Variants in EPHA6 observed in about 807,000 individuals in gnomAD.
EPHA6 encodes ephrin type-A receptor 6.
In EPHA6, 50 loss-of-function variants were observed where a neutral mutation model predicts 112.0. That is an observed-to-expected ratio of 0.45 (90% CI 0.36 to 0.56). The LOEUF is 0.56. EPHA6 is among the 20% of genes least tolerant of loss of function. The pLI, the probability that EPHA6 is intolerant of heterozygous loss-of-function variation, is 0.00. For missense variants in EPHA6, 1,280 were observed against 1,417.4 expected (o/e 0.90, Z 1.56); for synonymous variants, 529 against 490.7 (o/e 1.08, Z -1.03).
intron 3 of EPHA6, among the ~76,000 whole-genome samples, chr3:97,050,353 A>T (rs1263722767): frequency 6.6e-6 from 1 of 152,210 alleles, no homozygotes; most frequent in African/African-American, 2.4e-5. Flanking sequence ...AATTCATCTA[A>T]CAATTAGCAG....
chr3:97,473,232 A>G (rs2091277620), intron 7 of EPHA6, among the ~76,000 whole-genome samples: 2 of 151,758 alleles, frequency 1.3e-5, no homozygotes, highest in African/African-American at 4.8e-5. Context: ...AACACATTTT[A>G]TTCTCCACAG....
intron 14 of EPHA6, among the ~76,000 whole-genome samples, chr3:97,710,567 C>T (rs541188031): frequency 1.3e-5 from 2 of 152,294 alleles, no homozygotes; most frequent in Admixed American, 6.5e-5. Context: ...GTTGTTCCCT[C>T]TGTTTTAATT....
intron 5 of EPHA6, among the ~76,000 whole-genome samples, chr3:97,363,170 CAATATATATATATATATATATATA>C (rs2084470678): frequency 1.6e-5 from 1 of 62,636 alleles, no homozygotes; most frequent in African/African-American, 6.5e-5. Context: ...ATTGCCCCTG[CAATATATATATATATATATATATA>C]TATATATATA....
At chr3:97,299,737 A>G (rs2081018968) in intron 5 of EPHA6, among the ~76,000 whole-genome samples, 1 of 152,186 alleles carries the variant, frequency 6.6e-6, no homozygotes, top group African/African-American at 2.4e-5. Context: ...AGTGTATTTC[A>G]GGGAATTTGT....
At chr3:97,471,288 T>G (rs962174579) in intron 7 of EPHA6, among the ~76,000 whole-genome samples, 20 of 151,856 alleles carry the variant, frequency 1.3e-4, no homozygotes, top group Middle Eastern at 3.4e-3. Context: ...TGCCAGAGGC[T>G]GCTTATTCTT....
At chr3:97,693,675 G>C (rs2032825740) in intron 14 of EPHA6, among the ~76,000 whole-genome samples, 1 of 152,128 alleles carries the variant, frequency 6.6e-6, no homozygotes, top group African/African-American at 2.4e-5. Flanking sequence ...GGGCATGGTG[G>C]CGGGCGCCTG....
chr3:97,174,831 C>G (rs1053446902), intron 3 of EPHA6, among the ~76,000 whole-genome samples: 1 of 150,922 alleles, frequency 6.6e-6, no homozygotes, highest in Non-Finnish European at 1.5e-5. Flanking sequence ...CAAATATTTT[C>G]TCCCATTCAG....
intron 14 of EPHA6, among the ~76,000 whole-genome samples, chr3:97,643,296 A>C (rs2094026750): frequency 6.6e-6 from 1 of 151,798 alleles, no homozygotes; most frequent in Non-Finnish European, 1.5e-5. Context: ...AGGAAGCGCT[A>C]AACATGGAAA....
chr3:97,594,717 T>TA (rs2093572798), intron 12 of EPHA6, among the ~76,000 whole-genome samples: 1 of 152,180 alleles, frequency 6.6e-6, no homozygotes, highest in Non-Finnish European at 1.5e-5. Context: ...TTATATTTTT[T>TA]AAAAAAACTA....
At chr3:97,493,118 T>C (rs2091893279) in intron 10 of EPHA6, among the ~76,000 whole-genome samples, 1 of 151,408 alleles carries the variant, frequency 6.6e-6, no homozygotes, top group Non-Finnish European at 1.5e-5. Context: ...TTTACTTTTA[T>C]TGGGCAAAGA....
At chr3:97,076,259 A>C (rs1490301239) in intron 3 of EPHA6, among the ~76,000 whole-genome samples, 1 of 152,132 alleles carries the variant, frequency 6.6e-6, no homozygotes, top group Non-Finnish European at 1.5e-5. Context: ...TAAAAGTGCT[A>C]CTCCATTAAA....
chr3:97,060,502 G>A (rs2045984250), intron 3 of EPHA6, among the ~76,000 whole-genome samples: 1 of 152,186 alleles, frequency 6.6e-6, no homozygotes, highest in African/African-American at 2.4e-5. Context: ...TGATTTGAAT[G>A]ACCCAAATAT....
chr3:97,593,730 C>T (rs1328230657), intron 12 of EPHA6, among the ~76,000 whole-genome samples: 1 of 152,102 alleles, frequency 6.6e-6, no homozygotes, highest in African/African-American at 2.4e-5. Flanking sequence ...TGATATTTTT[C>T]CTTTGCTTTT....
intron 5 of EPHA6, among the ~76,000 whole-genome samples, chr3:97,277,337 A>G (rs1043768656): frequency 2.0e-5 from 3 of 152,070 alleles, no homozygotes; most frequent in Non-Finnish European, 4.4e-5. Context: ...GGGGGTCACA[A>G]GGTGCTCAGT....
At chr3:96,817,589 T>G (rs1001591830) in intron 1 of EPHA6, among the ~76,000 whole-genome samples, 2 of 151,984 alleles carry the variant, frequency 1.3e-5, no homozygotes, top group African/African-American at 4.8e-5. Context: ...GGAATTAATG[T>G]TTTAATTTTG....
intron 2 of EPHA6, among the ~76,000 whole-genome samples, chr3:96,871,419 A>G (rs1319525100): frequency 6.6e-6 from 1 of 152,042 alleles, no homozygotes; most frequent in Non-Finnish European, 1.5e-5. Context: ...AAGAACCCCA[A>G]ATATTTTAAA....
intron 1 of EPHA6, among the ~76,000 whole-genome samples, chr3:96,829,622 T>G (rs954985574): frequency 6.6e-6 from 1 of 152,254 alleles, no homozygotes; most frequent in African/African-American, 2.4e-5. Flanking sequence ...CAATTAGTGC[T>G]TCTTTATATA....
intron 4 of EPHA6, among the ~76,000 whole-genome samples, chr3:97,228,874 C>G (rs1456408679): frequency 6.6e-6 from 1 of 152,170 alleles, no homozygotes; most frequent in Non-Finnish European, 1.5e-5. Flanking sequence ...ACATCCACAT[C>G]AACATTTATG....
chr3:96,847,223 T>C (rs532602061), intron 1 of EPHA6, among the ~76,000 whole-genome samples: 1 of 152,234 alleles, frequency 6.6e-6, no homozygotes, highest in South Asian at 2.1e-4. Context: ...TAATTATAAC[T>C]AGGTCCCATT....
Sources: allele counts gnomAD v4.1 joint callset (sites outside exome capture counted in the v4.1 genomes callset), GRCh38; gene constraint gnomAD v4.1.1; transcripts MANE v1.5; gene names NCBI Gene and HGNC (gene_info 2026-07-23, HGNC 2026-07-21).